The following KCNJ3 variants were observed in gnomAD, a reference collection of about 807,000 sequenced individuals.
KCNJ3 encodes the protein potassium inwardly rectifying channel subfamily J member 3, also known as G protein-activated inward rectifier potassium channel 1.
A neutral mutation model predicts 39.2 loss-of-function variants in KCNJ3; 4 were observed. That is an observed-to-expected ratio of 0.10 (90% CI 0.05 to 0.23). KCNJ3 has a LOEUF of 0.23. Among genes scored for constraint, KCNJ3 ranks in the 10% least tolerant of loss-of-function variants. The probability of loss-of-function intolerance (pLI) is 1.00; values close to 1 mark genes in which losing one functional copy is unlikely to be tolerated. For synonymous variants in KCNJ3, 230 were observed against 237.4 expected (o/e 0.97, Z 0.29); for missense variants, 276 against 634.9 (o/e 0.43, Z 6.08).
chr2:154,834,863 TTAA>T (rs539324618), intron 2 of KCNJ3, among the ~76,000 whole-genome samples: 97 of 143,718 alleles, frequency 6.7e-4, no homozygotes, highest in East Asian at 1.4e-3. Context: ...AATAACATAC[TTAA>T]TAATAACTTC....
At chr2:154,710,070 T>C (rs1039927984) in intron 2 of KCNJ3, among the ~76,000 whole-genome samples, 2 of 152,168 alleles carry the variant, frequency 1.3e-5, no homozygotes, top group Non-Finnish European at 2.9e-5. Flanking sequence ...TGACTTCTTA[T>C]AAATGATTAT....
chr2:154,761,722 T>C (rs1247364128), intron 2 of KCNJ3, among the ~76,000 whole-genome samples: 1 of 152,222 alleles, frequency 6.6e-6, no homozygotes, highest in Non-Finnish European at 1.5e-5. Context: ...AATCCCTTTT[T>C]TAACTTCTGG....
chr2:154,774,009 G>A (rs1266914298), intron 2 of KCNJ3, among the ~76,000 whole-genome samples: 1 of 152,054 alleles, frequency 6.6e-6, no homozygotes, highest in African/African-American at 2.4e-5. Context: ...ATCCCAATGA[G>A]CTGCAAAGAA....
intron 2 of KCNJ3, among the ~76,000 whole-genome samples, chr2:154,749,714 T>C (rs1685805885): frequency 6.6e-6 from 1 of 152,114 alleles, no homozygotes; most frequent in South Asian, 2.1e-4. Context: ...AGATTATTAC[T>C]GAGGGAGTCG....
chr2:154,840,538 T>C (rs1243465600), intron 2 of KCNJ3, among the ~76,000 whole-genome samples: 1 of 152,240 alleles, frequency 6.6e-6, no homozygotes, highest in Non-Finnish European at 1.5e-5. Flanking sequence ...GTATGGCCAT[T>C]TTCACAATAT....
intron 1 of KCNJ3, among the ~76,000 whole-genome samples, chr2:154,702,428 G>T (rs1464760046): frequency 2.6e-5 from 4 of 151,580 alleles, no homozygotes; most frequent in African/African-American, 9.7e-5. Flanking sequence ...TTTGATTCTT[G>T]GGGAGACAAT....
At chr2:154,757,665 G>C (rs1488191166) in intron 2 of KCNJ3, among the ~76,000 whole-genome samples, 1 of 152,078 alleles carries the variant, frequency 6.6e-6, no homozygotes, top group Admixed American at 6.6e-5. Flanking sequence ...AAATACTTTA[G>C]GCTATGTAAT....
At position 154,699,571 on chromosome 2, in the gene KCNJ3, G is replaced by A; in HGVS notation, c.702+94G>A. 1.4e-6 allele frequency: 2 copies of A among 1,470,212 alleles called. No homozygotes were observed. Among genetic ancestry groups the A allele is most frequent in the Non-Finnish European group, 1.8e-6 (2 of 1,113,200 alleles). 91.1% of individuals were successfully genotyped at this position (1,470,212 alleles called of 1,614,324 possible). On this transcript the variant is annotated intron_variant, in intron 1 of 2. Coordinates refer to ENST00000295101, the MANE Select transcript of KCNJ3 (RefSeq NM_002239.4). This position sits in a 1 kb window ranked among gnomAD's most constrained non-coding sequence, Gnocchi z 6.4. The stretch of plus-strand genomic sequence containing the variant: ...AGAACCAGCCCGGGCCCCCTCCCCT[G>A]GTTCTACCTATAGCCACAGGTAAAC...
chr2:154,818,108 A>T (rs565770280), intron 2 of KCNJ3, among the ~76,000 whole-genome samples: 2 of 152,254 alleles, frequency 1.3e-5, no homozygotes, highest in Non-Finnish European at 2.9e-5. Flanking sequence ...TAGAATAAAT[A>T]TTCCCTTTAT....
chr2:154,783,248 A>G (rs1686471177), intron 2 of KCNJ3, among the ~76,000 whole-genome samples: 1 of 152,184 alleles, frequency 6.6e-6, no homozygotes, highest in African/African-American at 2.4e-5. Context: ...AACAAGTAGG[A>G]TTTTAATAGA....
intron 2 of KCNJ3, among the ~76,000 whole-genome samples, chr2:154,797,196 C>T (rs190656084): frequency 6.6e-6 from 1 of 152,156 alleles, no homozygotes; most frequent in Admixed American, 6.6e-5. Context: ...GGTGCCGAAG[C>T]ATTTTAGTTA....
chr2:154,815,184 T>G (rs954290032), intron 2 of KCNJ3, among the ~76,000 whole-genome samples: 1 of 152,214 alleles, frequency 6.6e-6, no homozygotes, highest in Non-Finnish European at 1.5e-5. Flanking sequence ...ATTATTTTTT[T>G]CTGTATCTTT....
At chr2:154,853,624 A>C (rs1346320729) in intron 2 of KCNJ3, among the ~76,000 whole-genome samples, 2 of 152,054 alleles carry the variant, frequency 1.3e-5, no homozygotes, top group South Asian at 2.1e-4. Context: ...AAGTAGAGAA[A>C]TTGGTGAATT....
intron 1 of KCNJ3, among the ~76,000 whole-genome samples, chr2:154,700,311 T>C (rs776162644): frequency 3.3e-5 from 5 of 152,050 alleles, no homozygotes; most frequent in Admixed American, 2.6e-4. Context: ...GCACATGGAG[T>C]GGTTATTAAA....
intron 2 of KCNJ3, among the ~76,000 whole-genome samples, chr2:154,762,979 A>G (rs2105190204): frequency 6.6e-6 from 1 of 152,306 alleles, no homozygotes; most frequent in East Asian, 1.9e-4. Context: ...ACCATGAATT[A>G]TCTTCTCAGA....
At chr2:154,803,121 G>A (rs563479354) in intron 2 of KCNJ3, among the ~76,000 whole-genome samples, 1 of 151,876 alleles carries the variant, frequency 6.6e-6, no homozygotes, top group South Asian at 2.1e-4. Flanking sequence ...TGACACAGTG[G>A]GAACAAATTT....
rs1414640468 is a variant in KCNJ3, at chr2:154,709,717, G to A, written c.817G>A (p.Val273Met). The A allele has an allele frequency of 6.2e-6, 10 of 1,613,894 alleles. No individual in the cohort carries two copies. The highest frequency in any genetic ancestry group is 1.6e-4 in the Middle Eastern group (1 of 6,062). The change falls in exon 2 of 3, where the codon GTG becomes ATG. Residue 273 changes from valine (V) to methionine (M), a missense_variant. This residue lies in a region of KCNJ3 where 77 missense variants were observed against 200.0 expected (regional missense o/e 0.38). Transcript: ENST00000295101. The part of the protein sequence containing the change: ...FLVSPLTICH[V>M]IDAKSPFYDL... Reference sequence around the variant, plus strand: ...TGTGTCCCCCCTCACAATTTGCCACGTGATCGATGCCAAAAGCCCCTTTTA... The same window carrying A: ...TGTGTCCCCCCTCACAATTTGCCACATGATCGATGCCAAAAGCCCCTTTTA...
At chr2:154,702,670 C>A (rs1684923719) in intron 1 of KCNJ3, among the ~76,000 whole-genome samples, 1 of 151,764 alleles carries the variant, frequency 6.6e-6, no homozygotes, top group Non-Finnish European at 1.5e-5. Flanking sequence ...CAACTTTATG[C>A]CTGGAGGGGT....
At chr2:154,831,058 C>A (rs1687354379) in intron 2 of KCNJ3, among the ~76,000 whole-genome samples, 1 of 152,096 alleles carries the variant, frequency 6.6e-6, no homozygotes, top group Non-Finnish European at 1.5e-5. Flanking sequence ...ACTTGTTTGG[C>A]CATTGTCTTT....
Sources: allele counts gnomAD v4.1 joint callset (sites outside exome capture counted in the v4.1 genomes callset), GRCh38; gene constraint gnomAD v4.1.1; regional missense constraint gnomAD v4.1.1; non-coding constraint Gnocchi (gnomAD v3.1); transcripts MANE v1.5; gene names NCBI Gene and HGNC (gene_info 2026-07-23, HGNC 2026-07-21).